The following COL21A1 variants were observed in gnomAD, a reference collection of about 807,000 sequenced individuals.
COL21A1 encodes collagen alpha-1(XXI) chain.
A neutral mutation model predicts 137.9 loss-of-function variants in COL21A1; 149 were observed. That is an observed-to-expected ratio of 1.08 (90% CI 0.95 to 1.24). The LOEUF (loss-of-function observed/expected upper bound fraction) is 1.24, where lower values mean the gene tolerates loss of function less well. Among genes scored for constraint, COL21A1 ranks in the 50% most tolerant of loss-of-function variants. COL21A1 has a pLI of 0.00. For missense variants in COL21A1, 1,167 were observed against 1,158.4 expected (o/e 1.01, Z -0.11); for synonymous variants, 456 against 391.5 (o/e 1.16, Z -1.95).
intron 1 of COL21A1, among the ~76,000 whole-genome samples, chr6:56,313,277 A>AGAGAACAGACTAGTTGTTCTCTAGT (rs1764654324): frequency 2.0e-5 from 3 of 152,156 alleles, no homozygotes; most frequent in Admixed American, 2.0e-4. Flanking sequence ...TGGAGCAGTC[A>AGAGAACAGACTAGTTGTTCTCTAGT]GAGAACAGAC....
intron 1 of COL21A1, among the ~76,000 whole-genome samples, chr6:56,264,446 C>T (rs1284916630): frequency 2.0e-5 from 3 of 152,100 alleles, no homozygotes; most frequent in Non-Finnish European, 4.4e-5. Context: ...ATGTTTATTC[C>T]TATCTACCCA....
intron 1 of COL21A1, among the ~76,000 whole-genome samples, chr6:56,237,137 A>G (rs200140405): frequency 1.6e-5 from 1 of 63,698 alleles, no homozygotes; most frequent in African/African-American, 9.0e-5. Context: ...AAAATTCGAA[A>G]GGAAAAAAAG....
intron 17 of COL21A1, among the ~76,000 whole-genome samples, chr6:56,086,140 C>A (rs1376785068): frequency 1.3e-5 from 2 of 151,912 alleles, no homozygotes; most frequent in East Asian, 3.9e-4. Flanking sequence ...GCTTAAAAAC[C>A]ATTACATATA....
At chr6:56,071,551 C>G (rs1002881950) in intron 20 of COL21A1, among the ~76,000 whole-genome samples, 1 of 151,542 alleles carries the variant, frequency 6.6e-6, no homozygotes, top group African/African-American at 2.4e-5. Context: ...CCACAACCAA[C>G]TTGGGTTTAC....
intron 1 of COL21A1, among the ~76,000 whole-genome samples, chr6:56,364,652 T>C (rs752636621): frequency 6.6e-6 from 1 of 152,146 alleles, no homozygotes; most frequent in Non-Finnish European, 1.5e-5. Context: ...CATTTTATCT[T>C]GCCTGGCTTT....
At chr6:56,170,262 C>T (rs919703533) in intron 5 of COL21A1, among the ~76,000 whole-genome samples, 16 of 151,732 alleles carry the variant, frequency 1.1e-4, no homozygotes, top group South Asian at 4.2e-4. Context: ...TGGACTTTGA[C>T]GTCAACTAGA....
At chr6:56,296,261 A>T (rs1202927048) in intron 1 of COL21A1, among the ~76,000 whole-genome samples, 1 of 152,020 alleles carries the variant, frequency 6.6e-6, no homozygotes, top group Non-Finnish European at 1.5e-5. Flanking sequence ...TATATATCAT[A>T]TTTTTAAATG....
intron 3 of COL21A1, among the ~76,000 whole-genome samples, chr6:56,172,682 AAGTT>A (rs1409881234): frequency 6.6e-6 from 1 of 152,196 alleles, no homozygotes; most frequent in Non-Finnish European, 1.5e-5. Flanking sequence ...TCTGGTGTAA[AAGTT>A]AAAAGACAAA....
intron 1 of COL21A1, among the ~76,000 whole-genome samples, chr6:56,236,845 C>T (rs971712820): frequency 6.6e-6 from 1 of 151,906 alleles, no homozygotes; most frequent in Non-Finnish European, 1.5e-5. Flanking sequence ...GGCATATATT[C>T]AATGTTTTTA....
intron 10 of COL21A1, among the ~76,000 whole-genome samples, chr6:56,143,640 A>G (rs1313728097): frequency 1.3e-5 from 2 of 152,222 alleles, no homozygotes; most frequent in South Asian, 2.1e-4. Flanking sequence ...ATCCTTAACC[A>G]TTGCACTTCA....
chr6:56,393,559 T>G (rs1221378808), intron 1 of COL21A1, among the ~76,000 whole-genome samples: 1 of 152,104 alleles, frequency 6.6e-6, no homozygotes, highest in Non-Finnish European at 1.5e-5. Context: ...AAGTGGAAGA[T>G]GGTGGATTGG....
upstream of COL21A1, chr6:56,394,097 G>A (rs1346493431): frequency 6.6e-6 from 1 of 152,312 alleles, no homozygotes; most frequent in African/African-American, 2.4e-5. Context: ...CAGAACCAGG[G>A]GTGTGAGTGG....
At chr6:56,338,013 A>T (rs1383101619) in intron 1 of COL21A1, among the ~76,000 whole-genome samples, 4 of 135,114 alleles carry the variant, frequency 3.0e-5, no homozygotes, top group Non-Finnish European at 4.6e-5. Flanking sequence ...CCCAGGCTGG[A>T]GTGCAGTGGC....
At chr6:56,389,026 G>C (rs983364876) in intron 1 of COL21A1, among the ~76,000 whole-genome samples, 2 of 152,108 alleles carry the variant, frequency 1.3e-5, no homozygotes, top group African/African-American at 4.8e-5. Flanking sequence ...AATTGATCAA[G>C]CAGAAAAAAT....
At chr6:56,304,430 G>C (rs1764384661) in intron 1 of COL21A1, among the ~76,000 whole-genome samples, 1 of 152,178 alleles carries the variant, frequency 6.6e-6, no homozygotes, top group Admixed American at 6.5e-5. Context: ...GGTCTATTCA[G>C]AGATTCAACT....
At chr6:56,079,594 C>A (rs902153603) in intron 17 of COL21A1, among the ~76,000 whole-genome samples, 8 of 151,560 alleles carry the variant, frequency 5.3e-5, no homozygotes, top group African/African-American at 1.9e-4. Flanking sequence ...TTTGATCTGA[C>A]ACTCTTTTAT....
At chr6:56,097,210 G>C (rs959590923) in intron 17 of COL21A1, among the ~76,000 whole-genome samples, 3 of 152,028 alleles carry the variant, frequency 2.0e-5, no homozygotes, top group Non-Finnish European at 4.4e-5. Flanking sequence ...TGGAAGAAAA[G>C]AAGTAAAGGA....
At chr6:56,092,691 A>G (rs1031209384) in intron 17 of COL21A1, among the ~76,000 whole-genome samples, 6 of 152,286 alleles carry the variant, frequency 3.9e-5, no homozygotes, top group African/African-American at 7.2e-5. Context: ...ATATACACCA[A>G]TACATACTCA....
chr6:56,063,881 C>T lies in COL21A1; in HGVS notation c.2172+697G>A, dbSNP rs192024120. Reference sequence around the variant, plus strand: ...CACATATCCAGCTTGCCCTTTCAGACATGATCAAGTTGGAACCATGTCCAG... The same window carrying T: ...CACATATCCAGCTTGCCCTTTCAGATATGATCAAGTTGGAACCATGTCCAG... On this transcript the variant is annotated intron_variant, in intron 24 of 29. Coordinates refer to ENST00000244728, the MANE Select transcript of COL21A1 (RefSeq NM_030820.4). 2.0e-5 allele frequency among the ~76,000 whole-genome samples: 3 copies of T among 152,198 alleles called. No homozygotes were observed. The East Asian group carries it at 5.8e-4, about 30-fold the overall frequency.
Sources: allele counts gnomAD v4.1 joint callset (sites outside exome capture counted in the v4.1 genomes callset), GRCh38; gene constraint gnomAD v4.1.1; transcripts MANE v1.5; gene names NCBI Gene and HGNC (gene_info 2026-07-23, HGNC 2026-07-21).